The following CPD variants were observed in gnomAD, a reference collection of about 807,000 sequenced individuals.
The protein encoded by CPD is metallocarboxypeptidase D.
Under a neutral mutation model 138.3 loss-of-function variants are expected in CPD, and 69 were observed. The observed-to-expected ratio is 0.50, with a 90% CI of 0.41 to 0.61. CPD has a LOEUF of 0.61. CPD is among the 20% of genes least tolerant of loss of function. The pLI is 0.00. For missense variants in CPD, 1,432 were observed against 1,733.3 expected (o/e 0.83, Z 3.09); for synonymous variants, 651 against 642.1 (o/e 1.01, Z -0.21).
intron 10 of CPD, 147 bp downstream of exon 10, chr17:30,442,597 G>T: frequency 1.4e-6 from 1 of 717,372 alleles, no homozygotes; most frequent in Non-Finnish European, 2.2e-6. Flanking sequence ...TATATTCCAA[G>T]GTGTTTAATA....
chr17:30,411,513 GT>G (rs573980885), intron 2 of CPD, among the ~76,000 whole-genome samples: 2 of 152,020 alleles, frequency 1.3e-5, no homozygotes, highest in East Asian at 3.9e-4. Flanking sequence ...TGTAGATTTG[GT>G]TTTTTTACAT....
chr17:30,414,527 G>A (rs934788027), intron 2 of CPD, among the ~76,000 whole-genome samples: 1 of 151,754 alleles, frequency 6.6e-6, no homozygotes, highest in African/African-American at 2.4e-5. Flanking sequence ...AGCTTGCAGT[G>A]AGCTGAGATC....
intron 9 of CPD, among the ~76,000 whole-genome samples, chr17:30,440,868 GCTTAGGATTGA>G (rs1261272201): frequency 7.5e-5 from 5 of 66,266 alleles, no homozygotes; most frequent in African/African-American, 3.1e-4. Context: ...TGTTCTTTTG[GCTTAGGATTGA>G]CTTGGCGATG....
intron 7 of CPD, among the ~76,000 whole-genome samples, chr17:30,428,927 A>G (rs1347219023): frequency 6.6e-6 from 1 of 152,058 alleles, no homozygotes; most frequent in Non-Finnish European, 1.5e-5. Context: ...GCAATGGGGA[A>G]GAAATTTAGT....
At chr17:30,464,548 A>T (rs1373536878) in intron 20 of CPD, 40 bp from the exon 21 acceptor site, 1 of 1,533,850 alleles carries the variant, frequency 6.5e-7, no homozygotes, top group South Asian at 1.1e-5. Flanking sequence ...TAATATCCTT[A>T]AAGTATAATA....
intron 2 of CPD, among the ~76,000 whole-genome samples, chr17:30,391,195 T>C (rs1488533203): frequency 6.6e-6 from 1 of 151,850 alleles, no homozygotes; most frequent in Non-Finnish European, 1.5e-5. Context: ...CCTACCGTTC[T>C]TTCTTCACAG....
chr17:30,396,507 A>G (rs1297697685), intron 2 of CPD, among the ~76,000 whole-genome samples: 1 of 152,188 alleles, frequency 6.6e-6, no homozygotes, highest in Non-Finnish European at 1.5e-5. Flanking sequence ...GAATTTATTA[A>G]TCTCCCCTCC....
chr17:30,463,317 A>G (rs753773153), intron 20 of CPD, among the ~76,000 whole-genome samples: 120 of 152,132 alleles, frequency 7.9e-4, no homozygotes, highest in Non-Finnish European at 1.6e-3. Context: ...TCTATATTCA[A>G]TCTCTCCCAC....
At chr17:30,401,036 G>A (rs1339694323) in intron 2 of CPD, among the ~76,000 whole-genome samples, 1 of 151,954 alleles carries the variant, frequency 6.6e-6, no homozygotes, top group Non-Finnish European at 1.5e-5. Context: ...GTGGATTGTA[G>A]TTTGTTGTTT....
chr17:30,438,006 T>A (rs1026497362), intron 8 of CPD, among the ~76,000 whole-genome samples: 6 of 142,282 alleles, frequency 4.2e-5, no homozygotes, highest in African/African-American at 1.6e-4. Flanking sequence ...GTGGCTTTTT[T>A]TTTTTTTTTT....
chr17:30,437,762 T>C (rs755988738), intron 8 of CPD, among the ~76,000 whole-genome samples: 1 of 115,624 alleles, frequency 8.6e-6, no homozygotes, highest in Non-Finnish European at 1.8e-5. Context: ...AAAATTATGG[T>C]TTTTATTTGA....
intron 2 of CPD, among the ~76,000 whole-genome samples, chr17:30,390,744 A>T (rs907370462): frequency 6.6e-6 from 1 of 152,128 alleles, no homozygotes; most frequent in Admixed American, 6.5e-5. Context: ...GGAAATGGCT[A>T]TCCTAATAAG....
chr17:30,463,029 A>G (rs996922884), intron 20 of CPD, among the ~76,000 whole-genome samples: 2 of 152,200 alleles, frequency 1.3e-5, no homozygotes, highest in East Asian at 3.9e-4. Context: ...CCTTGCCTTC[A>G]TTCCGGTAAA....
In CPD at chr17:30,378,966, C is replaced by T. The variant is rs766318215; in HGVS notation, c.-15C>T. On this transcript the variant is annotated 5_prime_UTR_variant, in exon 1 of 21. Transcript: ENST00000225719. ...GCCGCGGGAGCGGAGCCGGGGTTAG[C>T]GGCGCTGCTGGAAGATGGCGAGCGG... 10 of 1,492,626 alleles carry T rather than the reference C, an allele frequency of 6.7e-6. No homozygotes were observed. The highest frequency in any genetic ancestry group is 4.6e-5 in the Admixed American group (2 of 43,432). 92.5% of individuals were successfully genotyped at this position (1,492,626 alleles called of 1,614,324 possible).
chr17:30,451,636 CTGTT>C, intron 13 of CPD, 71 bp from the exon 14 acceptor site: 1 of 1,339,230 alleles, frequency 7.5e-7, no homozygotes, highest in East Asian at 2.4e-5. Context: ...AACAGACTTT[CTGTT>C]TGAGGCATGA....
At chr17:30,451,651 G>C in intron 13 of CPD, 60 bp from the exon 14 acceptor site, 2 of 1,515,480 alleles carry the variant, frequency 1.3e-6, no homozygotes, top group Non-Finnish European at 1.8e-6. Flanking sequence ...TGAGGCATGA[G>C]AGGGTACCCA....
At chr17:30,442,731 G>A (rs542729601) in intron 10 of CPD, among the ~76,000 whole-genome samples, 23 of 152,224 alleles carry the variant, frequency 1.5e-4, no homozygotes, top group Non-Finnish European at 2.5e-4. Flanking sequence ...CTTTTTACCC[G>A]TGTTTAAAAA....
Position 30,449,673 on chromosome 17 carries a change from A to G in CPD, c.2994A>G (p.Pro998=). The part of the protein sequence containing the change: ...RFVAGIHGNA[P]VGTELLLALA... ...TTGCTGGTATCCATGGAAATGCGCC[A>G]GTTGGAACTGAACTGCTTTTGGCTC... Residue 998 remains proline, a synonymous_variant, in exon 13 of 21, where the codon CCA becomes CCG. Transcript: ENST00000225719. The G allele has an allele frequency of 1.2e-6, 2 of 1,607,652 alleles. No individual in the cohort carries two copies. Among genetic ancestry groups the G allele is most frequent in the Non-Finnish European group, 1.7e-6 (2 of 1,178,550 alleles).
At chr17:30,436,723 T>C (rs1340273264) in intron 8 of CPD, among the ~76,000 whole-genome samples, 1 of 152,184 alleles carries the variant, frequency 6.6e-6, no homozygotes, top group Admixed American at 6.6e-5. Context: ...CTTTAAAACA[T>C]TAAATATAGA....
Sources: gnomAD v4.1 joint callset for allele counts (sites outside exome capture counted in the v4.1 genomes callset) on GRCh38, gnomAD v4.1.1 for gene constraint, MANE v1.5 for transcripts, NCBI Gene and HGNC (gene_info 2026-07-23, HGNC 2026-07-21) for gene names.